Variants in DHDDS observed in about 807,000 individuals in gnomAD.
DHDDS encodes the protein dehydrodolichyl diphosphate synthase subunit.
A neutral mutation model predicts 46.2 loss-of-function variants in DHDDS; 16 were observed. That is an observed-to-expected ratio of 0.35 (90% CI 0.23 to 0.53). The LOEUF is 0.53. Among genes scored for constraint, DHDDS ranks in the 20% least tolerant of loss-of-function variants. The pLI is 0.94. For missense variants in DHDDS, 340 were observed against 423.7 expected (o/e 0.80, Z 1.73); for synonymous variants, 151 against 163.1 (o/e 0.93, Z 0.56).
chr1:26,453,010 T>G (rs2075335657), intron 6 of DHDDS, among the ~76,000 whole-genome samples: 1 of 152,024 alleles, frequency 6.6e-6, no homozygotes, highest in South Asian at 2.1e-4. Flanking sequence ...GAGGATTACT[T>G]GAGCCTAGCA....
At chr1:26,432,454 A>T (rs769130045) in intron 1 of DHDDS, 78 bp downstream of exon 1, 128 of 170,756 alleles carry the variant, frequency 7.5e-4, no homozygotes, top group Non-Finnish European at 1.2e-3. Context: ...AAGCAAAGGG[A>T]CGACTGAGGG....
At chr1:26,468,806 C>A in intron 8 of DHDDS, 89 bp from the exon 9 acceptor site, 5 of 1,163,932 alleles carry the variant, frequency 4.3e-6, no homozygotes, top group East Asian at 2.9e-5. Context: ...CTTGGCCCAC[C>A]CTGTGCCCCA....
rs1309909291 is a variant in DHDDS, at chr1:26,471,273, C to T, written c.*2142C>T. Reference sequence around the variant, plus strand: ...TATCGTATTCTTGTGTGCTGGGTCTCAAATAGAATTTTTAAAGATTCTTAG... The same window carrying T: ...TATCGTATTCTTGTGTGCTGGGTCTTAAATAGAATTTTTAAAGATTCTTAG... On this transcript the variant is annotated 3_prime_UTR_variant, in exon 9 of 9. Coordinates refer to ENST00000236342, the MANE Select transcript of DHDDS (RefSeq NM_205861.3). 6.6e-6 allele frequency: 1 copy of T among 152,162 alleles called. No individual in the cohort carries two copies. Among genetic ancestry groups the T allele is most frequent in the Non-Finnish European group, 1.5e-5 (1 of 68,026 alleles). The allele number at this position is 152,162 out of a possible 1,614,324, so 9.4% of individuals were successfully genotyped here. A position where few individuals can be genotyped will look rare whatever the true frequency, so the allele number is the denominator to read the frequency against.
At chr1:26,465,389 G>A (rs1204075491) in intron 8 of DHDDS, among the ~76,000 whole-genome samples, 4 of 152,068 alleles carry the variant, frequency 2.6e-5, no homozygotes, top group South Asian at 2.1e-4. Flanking sequence ...ATGGGGTCTC[G>A]CCATGTTGCC....
intron 7 of DHDDS, 35 bp from the exon 8 acceptor site, chr1:26,460,002 T>A (rs771764946): frequency 1.3e-6 from 2 of 1,559,784 alleles, no homozygotes; most frequent in South Asian, 2.2e-5. Flanking sequence ...CAGCAACATG[T>A]TACTAAATCA....
At position 26,446,347 on chromosome 1, in the gene DHDDS, C is replaced by T. The variant is rs1360739054; in HGVS notation, c.355C>T (p.Arg119Trp). The change falls in exon 5 of 9, where the codon CGG (arginine) becomes TGG (tryptophan). Residue 119 changes from arginine to tryptophan, a missense_variant. Coordinates refer to ENST00000236342, the MANE Select transcript of DHDDS (RefSeq NM_205861.3). The stretch of plus-strand genomic sequence containing the variant: ...ACTGCAGAAGCATGGGGTGTGTATC[C>T]GGGTCCTGGGCGATCTGCACTTGTT... ...EKLQKHGVCI[R>W]VLGDLHLLPL... is the part of the protein sequence containing the mutation. The T allele has an allele frequency of 6.2e-7, 1 of 1,613,926 alleles. No individual in the cohort carries two copies. The highest frequency in any genetic ancestry group is 8.5e-7 in the Non-Finnish European group (1 of 1,179,906).
chr1:26,436,644 C>G (rs537694350), intron 2 of DHDDS, among the ~76,000 whole-genome samples: 1 of 150,702 alleles, frequency 6.6e-6, no homozygotes, highest in Non-Finnish European at 1.5e-5. Context: ...AGGATGGGCT[C>G]GATCTCCTGA....
chr1:26,454,610 A>C, intron 6 of DHDDS: 1 of 1,002,232 alleles, frequency 1.0e-6, no homozygotes, highest in Non-Finnish European at 1.5e-6. Context: ...TTCCCTTTTA[A>C]TTACATTTAT....
At chr1:26,450,121 G>T (rs1367753434) in intron 6 of DHDDS, among the ~76,000 whole-genome samples, 1 of 152,132 alleles carries the variant, frequency 6.6e-6, no homozygotes, top group Admixed American at 6.5e-5. Context: ...TGAGCAAAGA[G>T]GGGATGAGAA....
intron 6 of DHDDS, 21 bp from the exon 7 acceptor site, chr1:26,457,770 G>T: frequency 6.4e-7 from 1 of 1,564,952 alleles, no homozygotes; most frequent in Non-Finnish European, 8.8e-7. Context: ...GCCTCTCTTT[G>T]TCTCTTCTTG....
chr1:26,441,724 A>G (rs2075221113), intron 3 of DHDDS, among the ~76,000 whole-genome samples: 1 of 151,730 alleles, frequency 6.6e-6, no homozygotes, highest in Non-Finnish European at 1.5e-5. Context: ...GCGAAACCCC[A>G]TCTCTACTAA....
chr1:26,450,999 A>G (rs1216607984), intron 6 of DHDDS, among the ~76,000 whole-genome samples: 1 of 152,194 alleles, frequency 6.6e-6, no homozygotes, highest in Non-Finnish European at 1.5e-5. Context: ...CTTGACTCCT[A>G]GTCCAGCATG....
intron 3 of DHDDS, among the ~76,000 whole-genome samples, chr1:26,439,347 T>C (rs1179042344): frequency 6.6e-6 from 1 of 152,140 alleles, no homozygotes; most frequent in Non-Finnish European, 1.5e-5. Context: ...CCACTATTAC[T>C]TGACATTACA....
chr1:26,461,535 G>A (rs575837168), intron 8 of DHDDS, among the ~76,000 whole-genome samples: 28 of 152,060 alleles, frequency 1.8e-4, no homozygotes, highest in African/African-American at 5.1e-4. Context: ...ACAGGCATGC[G>A]CCACCAATCC....
chr1:26,446,524 T>C (rs989517688), intron 5 of DHDDS, 92 bp downstream of exon 5: 14 of 1,237,310 alleles, frequency 1.1e-5, no homozygotes, highest in Non-Finnish European at 1.5e-5. Flanking sequence ...TTGGTCTGGA[T>C]TGGTGCAAGG....
At chr1:26,433,475 C>A (rs955175822) in intron 2 of DHDDS, among the ~76,000 whole-genome samples, 1 of 151,846 alleles carries the variant, frequency 6.6e-6, no homozygotes, top group South Asian at 2.1e-4. Context: ...ATGGCAAAAC[C>A]CCGATTCTCC....
At chr1:26,448,747 C>T (rs1192515084) in intron 6 of DHDDS, among the ~76,000 whole-genome samples, 1 of 151,834 alleles carries the variant, frequency 6.6e-6, no homozygotes, top group East Asian at 1.9e-4. Flanking sequence ...GATGAGAAAA[C>T]TGAGTTCAGC....
chr1:26,457,389 G>A (rs1013183384), intron 6 of DHDDS, among the ~76,000 whole-genome samples: 3 of 151,664 alleles, frequency 2.0e-5, no homozygotes, highest in African/African-American at 7.3e-5. Context: ...AGAATGGCAT[G>A]AACCTGGGAG....
chr1:26,462,209 T>A (rs1265617162), intron 8 of DHDDS, among the ~76,000 whole-genome samples: 1 of 151,836 alleles, frequency 6.6e-6, no homozygotes, highest in Non-Finnish European at 1.5e-5. Flanking sequence ...TTTGTAGAGA[T>A]AAGTCCTCAC....
Sources: gnomAD v4.1 joint callset for allele counts (sites outside exome capture counted in the v4.1 genomes callset) on GRCh38, gnomAD v4.1.1 for gene constraint, MANE v1.5 for transcripts, NCBI Gene and HGNC (gene_info 2026-07-23, HGNC 2026-07-21) for gene names.